Variants in BMPR1B observed in about 807,000 individuals in gnomAD.
The protein encoded by BMPR1B is bone morphogenetic protein receptor type 1B, also known as bone morphogenetic protein receptor type-1B.
A neutral mutation model predicts 59.1 loss-of-function variants in BMPR1B; 12 were observed. That is an observed-to-expected ratio of 0.20 (90% CI 0.13 to 0.33). BMPR1B has a LOEUF of 0.33. Among genes scored for constraint, BMPR1B ranks in the 10% least tolerant of loss-of-function variants. BMPR1B has a pLI of 1.00. For missense variants in BMPR1B, 550 were observed against 610.9 expected, an observed-to-expected ratio of 0.90 and a Z score of 1.05; for synonymous variants, 237 against 207.3, an observed-to-expected ratio of 1.14 and a Z score of -1.23.
At chr4:94,951,474 T>C (rs2149055094) in intron 2 of BMPR1B, among the ~76,000 whole-genome samples, 1 of 152,340 alleles carries the variant, frequency 6.6e-6, no homozygotes, top group South Asian at 2.1e-4. Flanking sequence ...TGAGTGTTTT[T>C]AGCATGAAGC....
At chr4:94,894,087 A>G (rs924897408) in intron 2 of BMPR1B, among the ~76,000 whole-genome samples, 8 of 152,060 alleles carry the variant, frequency 5.3e-5, no homozygotes, top group Non-Finnish European at 1.2e-4. Context: ...GGGCACTGCT[A>G]ATATTTTAGT....
chr4:94,979,381 C>CG (rs1313453197), intron 2 of BMPR1B, among the ~76,000 whole-genome samples: 2 of 152,242 alleles, frequency 1.3e-5, no homozygotes, highest in East Asian at 3.9e-4. Flanking sequence ...TTTTCATCCT[C>CG]AAGTTTTACT....
At chr4:94,924,591 A>G (rs1238515849) in intron 2 of BMPR1B, among the ~76,000 whole-genome samples, 3 of 152,164 alleles carry the variant, frequency 2.0e-5, no homozygotes, top group Admixed American at 1.3e-4. Flanking sequence ...CTGACCTCCA[A>G]CATTCATTTG....
chr4:95,157,649 T>G lies in BMPR1B; in HGVS notation c.*2976T>G, dbSNP rs953515099. ...ATAAATATATATGTATATATAAATA[T>G]TATGTTCAGTTTGGAGTCTGGCACA... is the stretch of plus-strand genomic sequence containing the variant. On this transcript the variant is annotated 3_prime_UTR_variant, in exon 13 of 13. Coordinates refer to ENST00000515059, the MANE Select transcript of BMPR1B (RefSeq NM_001203.3). The G allele has an allele frequency of 4.6e-5, 7 of 151,432 alleles. No individual in the cohort carries two copies. Among genetic ancestry groups the G allele is most frequent in the Non-Finnish European group, 8.8e-5 (6 of 67,864 alleles). 9.4% of individuals were successfully genotyped at this position (151,432 alleles called of 1,614,324 possible).
Position 95,109,034 on chromosome 4 carries a change from C to G in BMPR1B, c.143+4467C>G, listed in dbSNP as rs531879135. Among the ~76,000 whole-genome samples the G allele has an allele frequency of 4.6e-5, 7 of 152,194 alleles. No individual in the cohort carries two copies. The South Asian group carries it at 1.4e-3, about 32-fold the overall frequency. On this transcript the variant is annotated intron_variant, in intron 4 of 12. Transcript: ENST00000515059. Reference sequence around the variant, plus strand: ...ATATTTTTTCTCTATATAATCAGATCTGGCTTTGCATATCATTCCTTGTTT... The same window carrying G: ...ATATTTTTTCTCTATATAATCAGATGTGGCTTTGCATATCATTCCTTGTTT...
intron 10 of BMPR1B, among the ~76,000 whole-genome samples, chr4:95,147,287 A>C (rs1049901534): frequency 6.6e-6 from 1 of 152,208 alleles, no homozygotes; most frequent in African/African-American, 2.4e-5. Context: ...TTTATGTTTT[A>C]GTAAATGTAA....
chr4:95,070,485 C>T (rs1372364277), intron 3 of BMPR1B, among the ~76,000 whole-genome samples: 1 of 152,092 alleles, frequency 6.6e-6, no homozygotes, highest in East Asian at 1.9e-4. Flanking sequence ...GGAAAGCCTT[C>T]TTGAAAAAGA....
chr4:94,824,185 G>C (rs1451280075), intron 1 of BMPR1B, among the ~76,000 whole-genome samples: 1 of 152,154 alleles, frequency 6.6e-6, no homozygotes, highest in African/African-American at 2.4e-5. Context: ...GAGTTTTGAT[G>C]CACGAATTTA....
intron 1 of BMPR1B, among the ~76,000 whole-genome samples, chr4:94,852,860 G>A (rs1053481230): frequency 1.3e-5 from 2 of 152,116 alleles, no homozygotes; most frequent in Non-Finnish European, 2.9e-5. Flanking sequence ...AACTCATCTG[G>A]AAAGAACATT....
intron 1 of BMPR1B, among the ~76,000 whole-genome samples, chr4:94,796,295 C>A (rs191598801): frequency 6.6e-6 from 1 of 152,308 alleles, no homozygotes; most frequent in East Asian, 1.9e-4. Context: ...AAAATACTAT[C>A]TGATTCTGCA....
chr4:95,156,472 C>A lies in BMPR1B; in HGVS notation c.*1799C>A, dbSNP rs907560201. On this transcript the variant is annotated 3_prime_UTR_variant, in exon 13 of 13. Transcript: ENST00000515059. The stretch of plus-strand genomic sequence containing the variant: ...AAAACATTTTCCTCACTTCTGAAGT[C>A]GGTTTGCAGCTGGTAACTTGTTCAT... 2 of 151,962 alleles carry A rather than the reference C, an allele frequency of 1.3e-5. No individual in the cohort carries two copies. Among genetic ancestry groups the A allele is most frequent in the African/African-American group, 4.8e-5 (2 of 41,402 alleles). The allele number at this position is 151,962 out of a possible 1,614,324, so 9.4% of individuals were successfully genotyped here. A position where few individuals can be genotyped will look rare whatever the true frequency, so the allele number is the denominator to read the frequency against.
At chr4:95,042,172 A>T (rs987465943) in intron 3 of BMPR1B, among the ~76,000 whole-genome samples, 1 of 152,194 alleles carries the variant, frequency 6.6e-6, no homozygotes, top group Non-Finnish European at 1.5e-5. Context: ...AAACTTTTTG[A>T]GTACCCACCT....
intron 3 of BMPR1B, among the ~76,000 whole-genome samples, chr4:95,020,597 A>T (rs71601251): frequency 0.093 from 13,541 of 145,224 alleles, 685 homozygotes; most frequent in Middle Eastern, 0.18. Flanking sequence ...AAAAAAAAAG[A>T]GTTATCTAGC....
chr4:94,953,641 G>T (rs116241309), intron 2 of BMPR1B, among the ~76,000 whole-genome samples: 1 of 152,142 alleles, frequency 6.6e-6, no homozygotes, highest in East Asian at 1.9e-4. Flanking sequence ...AGCGTGATGC[G>T]CTTTCATTTG....
rs565292081 is a variant in BMPR1B, at chr4:94,879,916, G to A, written c.-113+4016G>A. On this transcript the variant is annotated intron_variant, in intron 2 of 12. Coordinates refer to ENST00000515059, the MANE Select transcript of BMPR1B (RefSeq NM_001203.3). ...TGTGGTTAAACCAACCATATGGATC[G>A]TTTGGAATTCCTAGACTAAATTTGA... is the stretch of plus-strand genomic sequence containing the variant. Among the ~76,000 whole-genome samples, 76 of 152,194 alleles carry A rather than the reference G, an allele frequency of 5.0e-4. 1 individual carries two copies. Among genetic ancestry groups the A allele is most frequent in the African/African-American group, 1.7e-3 (70 of 41,508 alleles).
At chr4:94,981,206 CT>C (rs1291977249) in intron 2 of BMPR1B, among the ~76,000 whole-genome samples, 1 of 28,458 alleles carries the variant, frequency 3.5e-5, no homozygotes, top group Non-Finnish European at 7.4e-5. Context: ...TAAATTTATC[CT>C]TTCTTTTTTT....
chr4:94,885,488 A>G (rs1727138065), intron 2 of BMPR1B, among the ~76,000 whole-genome samples: 1 of 152,196 alleles, frequency 6.6e-6, no homozygotes, highest in Admixed American at 6.5e-5. Flanking sequence ...CAGAATACAA[A>G]ATATCTTTGT....
chr4:95,075,705 T>A (rs936669937), intron 3 of BMPR1B, among the ~76,000 whole-genome samples: 5 of 151,842 alleles, frequency 3.3e-5, no homozygotes, highest in Admixed American at 3.3e-4. Context: ...GTCTCTCATA[T>A]TTTTTGAGAG....
chr4:94,993,318 A>T (rs1382465773), intron 2 of BMPR1B, among the ~76,000 whole-genome samples: 1 of 152,138 alleles, frequency 6.6e-6, no homozygotes, highest in East Asian at 1.9e-4. Flanking sequence ...CTGGCTAAGA[A>T]TAGTCCTTTA....
Sources: allele counts gnomAD v4.1 joint callset (sites outside exome capture counted in the v4.1 genomes callset), GRCh38; gene constraint gnomAD v4.1.1; transcripts MANE v1.5; gene names NCBI Gene and HGNC (gene_info 2026-07-23, HGNC 2026-07-21).